Variants in CCDC102B observed in about 807,000 individuals in gnomAD.
CCDC102B encodes coiled-coil domain-containing protein 102B.
In CCDC102B, 75 loss-of-function variants were observed where a neutral mutation model predicts 57.4. The ratio of observed to expected loss-of-function variants is 1.31; its 90% confidence interval spans 1.08 to 1.58. The LOEUF (loss-of-function observed/expected upper bound fraction) is 1.58. Among genes scored for constraint, CCDC102B ranks in the 40% most tolerant of loss-of-function variants. The probability of loss-of-function intolerance (pLI) is 0.00; values close to 1 mark genes in which losing one functional copy is unlikely to be tolerated. For missense variants in CCDC102B, 636 were observed against 582.6 expected (o/e 1.09, Z -0.94); for synonymous variants, 206 against 201.9 (o/e 1.02, Z -0.17).
intron 2 of CCDC102B, among the ~76,000 whole-genome samples, chr18:68,734,000 A>G (rs1306459963): frequency 6.6e-6 from 1 of 152,146 alleles, no homozygotes; most frequent in Non-Finnish European, 1.5e-5. Flanking sequence ...ATGGGGAAAC[A>G]ACAGTCTACA....
In CCDC102B at chr18:68,934,846, AC is replaced by A. The variant is rs1188519863; in HGVS notation, c.1263+37419del. ...ATATTTAGTACCTCCTCTGCTTTAC[AC>A]TGTTCTTAAGATATAGGTACGTTTC... On this transcript the variant is annotated intron_variant, in intron 6 of 7. Transcript: ENST00000360242. Among the ~76,000 whole-genome samples, 2 of 151,930 alleles carry A rather than the reference AC, an allele frequency of 1.3e-5. 1 individual carries two copies.
chr18:68,790,797 C>T (rs111669302), intron 2 of CCDC102B, among the ~76,000 whole-genome samples: 2,731 of 152,328 alleles, frequency 0.018, 63 homozygotes, highest in African/African-American at 0.048. Flanking sequence ...TTCTGCGTCG[C>T]TCACGCTGGG....
At position 68,911,751 on chromosome 18, in the gene CCDC102B, C is replaced by CAAAAAAAAAA. The variant is rs74175338; in HGVS notation, c.1263+14338_1263+14347dup. On this transcript the variant is annotated intron_variant, in intron 6 of 7. Transcript: ENST00000360242. ...TGGGCGACAGAGCGAGACTCCGTCT[C>CAAAAAAAAAA]AAAAAAAAAAAAAAAAAAAAAAAAG... is the stretch of plus-strand genomic sequence containing the variant. 7.5e-3 allele frequency among the ~76,000 whole-genome samples: 134 copies of CAAAAAAAAAA among 17,982 alleles called. 5 individuals are homozygous for CAAAAAAAAAA. Among genetic ancestry groups the CAAAAAAAAAA allele is most frequent in the Middle Eastern group, 0.036 (1 of 28 alleles). 11.8% of individuals were successfully genotyped at this position (17,982 alleles called of 152,430 possible). A position where few individuals can be genotyped will look rare whatever the true frequency, so the allele number is the denominator to read the frequency against.
intron 1 of CCDC102B, among the ~76,000 whole-genome samples, chr18:68,835,912 C>T: frequency 6.6e-6 from 1 of 152,260 alleles, no homozygotes; most frequent in Non-Finnish European, 1.5e-5. Flanking sequence ...CCGCCAGAGC[C>T]AGACCCTATG....
chr18:69,011,005 T>A lies in CCDC102B; in HGVS notation c.1335T>A (p.Thr445=). The change falls in exon 7 of 8, where the codon ACT becomes ACA. Residue 445 remains threonine (T), a synonymous_variant. Coordinates refer to ENST00000360242, the MANE Select transcript of CCDC102B (RefSeq NM_024781.3). ...RQYQANIAEL[T]HANNRVDQNE... ...ACCAGGCAAATATTGCAGAACTGAC[T>A]CATGCAAACAACCGAGTGGATCAAA... The A allele has an allele frequency of 1.2e-6, 2 of 1,613,906 alleles. No homozygotes were observed. The highest frequency in any genetic ancestry group is 1.7e-6 in the Non-Finnish European group (2 of 1,179,892).
At chr18:68,985,261 C>T (rs2050693537) in intron 6 of CCDC102B, among the ~76,000 whole-genome samples, 1 of 152,104 alleles carries the variant, frequency 6.6e-6, no homozygotes, top group Admixed American at 6.5e-5. Context: ...GAAACCCTTT[C>T]AATATTTTCT....
intron 6 of CCDC102B, among the ~76,000 whole-genome samples, chr18:68,974,078 G>T (rs570867564): frequency 6.6e-6 from 1 of 152,230 alleles, no homozygotes; most frequent in South Asian, 2.1e-4. Context: ...CAATTGTGAT[G>T]ATTTAATTAC....
chr18:69,040,765 CTG>C (rs2052415072), intron 7 of CCDC102B, among the ~76,000 whole-genome samples: 1 of 151,990 alleles, frequency 6.6e-6, no homozygotes, highest in Non-Finnish European at 1.5e-5. Context: ...AAATTAATCT[CTG>C]TGTTTTTTAA....
Position 69,054,492 on chromosome 18 carries a change from A to G in CCDC102B, c.*355A>G, listed in dbSNP as rs2052782004. 1 of 996,676 alleles carries G rather than the reference A, an allele frequency of 1.0e-6. No homozygotes were observed. Among genetic ancestry groups the G allele is most frequent in the Non-Finnish European group, 1.2e-6 (1 of 842,482 alleles). The allele number at this position is 996,676 out of a possible 1,614,324, so 61.7% of individuals were successfully genotyped here. ...CATACAAGACGCTGGGTCATTAATA[A>G]GAAAACCATTGACTTTAAGTATAAA... On this transcript the variant is annotated 3_prime_UTR_variant, in exon 8 of 8. Coordinates refer to ENST00000360242, the MANE Select transcript of CCDC102B (RefSeq NM_024781.3).
At chr18:69,053,955 G>T in intron 7 of CCDC102B, 75 bp from the exon 8 acceptor site, 1 of 1,161,012 alleles carries the variant, frequency 8.6e-7, no homozygotes, top group Non-Finnish European at 1.2e-6. Context: ...ATGATAAGAT[G>T]TTATTTACTA....
intron 2 of CCDC102B, among the ~76,000 whole-genome samples, chr18:68,723,501 C>A (rs1164649335): frequency 6.6e-6 from 1 of 152,186 alleles, no homozygotes; most frequent in Non-Finnish European, 1.5e-5. Flanking sequence ...TTCCTACATA[C>A]AATGAGGGCG....
rs1346183147 is a variant in CCDC102B, at chr18:68,826,053, A to G, written c.-15-10696A>G. Among the ~76,000 whole-genome samples, 3 of 152,218 alleles carry G rather than the reference A, an allele frequency of 2.0e-5. No individual in the cohort carries two copies. The South Asian group carries it at 6.2e-4, about 31-fold the overall frequency. On this transcript the variant is annotated intron_variant, in intron 1 of 7. Coordinates refer to ENST00000360242, the MANE Select transcript of CCDC102B (RefSeq NM_024781.3). The stretch of plus-strand genomic sequence containing the variant: ...GTTTTTATTTTCCAAATATCAAGCG[A>G]CTAAAATGCATTTTTCTGACAATTC...
At chr18:69,027,805 A>G (rs941032032) in intron 7 of CCDC102B, among the ~76,000 whole-genome samples, 5 of 152,216 alleles carry the variant, frequency 3.3e-5, no homozygotes, top group Non-Finnish European at 5.9e-5. Context: ...ACTGGTGTTT[A>G]AATGATGACT....
chr18:68,949,822 A>G (rs897577783), intron 6 of CCDC102B, among the ~76,000 whole-genome samples: 3 of 152,142 alleles, frequency 2.0e-5, no homozygotes, highest in Admixed American at 1.3e-4. Context: ...CTTTCTAGCT[A>G]CTGCATGTCC....
intron 6 of CCDC102B, among the ~76,000 whole-genome samples, chr18:68,912,363 T>G (rs2040906007): frequency 6.6e-6 from 1 of 152,234 alleles, no homozygotes; most frequent in Non-Finnish European, 1.5e-5. Context: ...TAATGCTTTT[T>G]ACTCACACAC....
At chr18:68,853,582 A>G (rs1008168780) in intron 4 of CCDC102B, among the ~76,000 whole-genome samples, 1 of 146,324 alleles carries the variant, frequency 6.8e-6, no homozygotes, top group African/African-American at 2.5e-5. Flanking sequence ...TGATTTTTTA[A>G]TGGTATTTGT....
chr18:68,765,325 G>A lies in CCDC102B; in HGVS notation c.-67+48731G>A, dbSNP rs957809065. Among the ~76,000 whole-genome samples, 298 of 42,572 alleles carry A rather than the reference G, an allele frequency of 7.0e-3. 2 individuals are homozygous for A. The highest frequency in any genetic ancestry group is 0.015 in the African/African-American group (186 of 12,102). The allele number at this position is 42,572 out of a possible 152,430, so 27.9% of individuals were successfully genotyped here. On this transcript the variant is annotated intron_variant, in intron 2 of 3. Transcript: ENST00000578970. ...GGAAGGAAGGAAGGAAGGAAGGAAG[G>A]AAAGAAAGAAAGAAAGAAAGAAAGA...
chr18:68,954,355 G>A (rs1017639874), intron 6 of CCDC102B, among the ~76,000 whole-genome samples: 2 of 152,262 alleles, frequency 1.3e-5, no homozygotes, highest in South Asian at 2.1e-4. Flanking sequence ...GAGAGGCAGA[G>A]GTTGTAGTGA....
chr18:68,978,128 G>C (rs186580523), intron 6 of CCDC102B, among the ~76,000 whole-genome samples: 1 of 152,002 alleles, frequency 6.6e-6, no homozygotes, highest in Non-Finnish European at 1.5e-5. Flanking sequence ...TATTAATACT[G>C]TTGTTATAAT....
Sources: gnomAD v4.1 joint callset for allele counts (sites outside exome capture counted in the v4.1 genomes callset) on GRCh38, gnomAD v4.1.1 for gene constraint, MANE v1.5 for transcripts, NCBI Gene and HGNC (gene_info 2026-07-23, HGNC 2026-07-21) for gene names.